The following WDR3 variants were observed in gnomAD, a reference collection of about 807,000 sequenced individuals.
The protein encoded by WDR3 is WD repeat domain 3, also known as WD repeat-containing protein 3.
In WDR3, 81 loss-of-function variants were observed where a neutral mutation model predicts 123.7. That is an observed-to-expected ratio of 0.65 (90% CI 0.55 to 0.79). The LOEUF (loss-of-function observed/expected upper bound fraction) is 0.79, where lower values mean the gene tolerates loss of function less well. WDR3 is among the 30% of genes least tolerant of loss of function. The probability of loss-of-function intolerance (pLI) is 0.00; values close to 1 mark genes in which losing one functional copy is unlikely to be tolerated. For synonymous variants in WDR3, 390 were observed against 388.8 expected (o/e 1.00, Z -0.04); for missense variants, 1,027 against 1,123.2 (o/e 0.91, Z 1.22).
chr1:117,946,997 G>A (rs1047428916), intron 12 of WDR3, among the ~76,000 whole-genome samples: 4 of 150,950 alleles, frequency 2.6e-5, no homozygotes, highest in Non-Finnish European at 5.9e-5. Flanking sequence ...ACTGCTCATA[G>A]TGTGTTCCTT....
chr1:117,947,986 G>C (rs1651470092), intron 12 of WDR3, among the ~76,000 whole-genome samples: 1 of 152,212 alleles, frequency 6.6e-6, no homozygotes, highest in Non-Finnish European at 1.5e-5. Context: ...AGATGGAAAA[G>C]AGGTGGTTGC....
At position 117,943,646 on chromosome 1, in the gene WDR3, A is replaced by G. The variant is rs1334355001; in HGVS notation, c.1328+20A>G. On this transcript the variant is annotated intron_variant, in intron 11 of 26. Transcript: ENST00000349139. ...GAACAGGTTCGTGAAATGATGTTTT[A>G]TATAGCTGTAGTTAGTAGTATTTCT... 4.3e-6 allele frequency: 7 copies of G among 1,609,542 alleles called. No individual in the cohort carries two copies. In the Admixed American group the frequency reaches 8.3e-5, roughly 19 times the overall value.
chr1:117,952,225 T>G (rs1651644126), intron 17 of WDR3, 72 bp from the exon 18 acceptor site: 5 of 1,470,330 alleles, frequency 3.4e-6, no homozygotes, highest in Non-Finnish European at 4.7e-6. Context: ...AGTCAAAAGC[T>G]ATTTATGTGT....
rs1025653970 is a variant in WDR3 at position 117,960,873 on chromosome 1, G to A, written c.*1426G>A. ...TTTTATGGCAGTAAATGATAAAATA[G>A]TCTAGTATCTACATATATTTTGTGC... is the stretch of plus-strand genomic sequence containing the variant. On this transcript the variant is annotated 3_prime_UTR_variant, in exon 27 of 27. Coordinates refer to ENST00000349139, the MANE Select transcript of WDR3 (RefSeq NM_006784.3). 2 of 152,164 alleles carry A rather than the reference G, an allele frequency of 1.3e-5. No individual in the cohort carries two copies. Among genetic ancestry groups the A allele is most frequent in the African/African-American group, 2.4e-5 (1 of 41,436 alleles). 9.4% of individuals were successfully genotyped at this position (152,164 alleles called of 1,614,324 possible).
intron 3 of WDR3, 152 bp from the exon 4 acceptor site, chr1:117,936,617 G>T (rs924146124): frequency 2.1e-6 from 1 of 485,602 alleles, no homozygotes; most frequent in Non-Finnish European, 3.6e-6. Context: ...GAATAAGGCT[G>T]GTGTTTATTC....
intron 4 of WDR3, among the ~76,000 whole-genome samples, chr1:117,937,622 C>T (rs1650991053): frequency 6.6e-6 from 1 of 152,052 alleles, no homozygotes; most frequent in African/African-American, 2.4e-5. Context: ...TATATTACAG[C>T]TTAGGGAATA....
At chr1:117,940,762 A>G (rs1651118772) in intron 6 of WDR3, 65 bp from the exon 7 acceptor site, 2 of 1,407,378 alleles carry the variant, frequency 1.4e-6, no homozygotes, top group Non-Finnish European at 9.8e-7. Flanking sequence ...AACAACAACA[A>G]CAACAACAAC....
At chr1:117,930,533 G>T (rs562610902) in intron 1 of WDR3, among the ~76,000 whole-genome samples, 2 of 152,202 alleles carry the variant, frequency 1.3e-5, no homozygotes, top group Admixed American at 6.5e-5. Flanking sequence ...ACTGGCAAAC[G>T]ATTTAGCCTT....
rs1653299777 is a variant in WDR3, at chr1:117,962,956, T to C, written c.*3509T>C. ...ATGAAGAAACCACATTGGCTTACAG[T>C]TACTGTCTGCAATCCACCCCCATTC... On this transcript the variant is annotated 3_prime_UTR_variant, in exon 27 of 27. Transcript: ENST00000349139. 1.3e-5 allele frequency: 2 copies of C among 152,238 alleles called. No individual in the cohort carries two copies. The highest frequency in any genetic ancestry group is 4.1e-4 in the South Asian group (2 of 4,826). 9.4% of individuals were successfully genotyped at this position (152,238 alleles called of 1,614,324 possible). A position where few individuals can be genotyped will look rare whatever the true frequency, so the allele number is the denominator to read the frequency against.
At chr1:117,941,703 T>C (rs1185170062) in intron 8 of WDR3, 47 bp from the exon 9 acceptor site, 1 of 1,579,824 alleles carries the variant, frequency 6.3e-7, no homozygotes, top group Admixed American at 2.0e-5. Flanking sequence ...ATTAGGTAAA[T>C]TACAAATTAC....
rs1158619832 is a variant in WDR3, at chr1:117,966,026, CA to C, written c.*6581del. 3 of 152,266 alleles carry C rather than the reference CA, an allele frequency of 2.0e-5. No individual in the cohort carries two copies. The highest frequency in any genetic ancestry group is 7.2e-5 in the African/African-American group (3 of 41,544). The allele number at this position is 152,266 out of a possible 1,614,324, so 9.4% of individuals were successfully genotyped here. A position where few individuals can be genotyped will look rare whatever the true frequency, so the allele number is the denominator to read the frequency against. On this transcript the variant is annotated 3_prime_UTR_variant, in exon 27 of 27. Coordinates refer to ENST00000349139, the MANE Select transcript of WDR3 (RefSeq NM_006784.3). ...ATCAAATAAATAGAGAACTGTAACA[CA>C]AGCAGCACACAATTCATGCCACTGG...
rs757858420 is a variant in WDR3 at position 117,959,472 on chromosome 1, T to C, written c.*25T>C. On this transcript the variant is annotated 3_prime_UTR_variant, in exon 27 of 27. Coordinates refer to ENST00000349139, the MANE Select transcript of WDR3 (RefSeq NM_006784.3). ...GAACTGAAATGTGGTATCTTTTTTT[T>C]TTTCAACTTTTTCCTTTAAAGGACT... The C allele has an allele frequency of 2.6e-6, 4 of 1,556,240 alleles. No homozygotes were observed. The South Asian group carries it at 3.7e-5, about 14-fold the overall frequency.
chr1:117,941,908 A>G lies in WDR3; in HGVS notation c.989+61A>G. 2.7e-6 allele frequency: 4 copies of G among 1,493,256 alleles called. No homozygotes were observed. The African/African-American group carries it at 4.3e-5, about 16-fold the overall frequency. 92.5% of individuals were successfully genotyped at this position (1,493,256 alleles called of 1,614,324 possible). A position where few individuals can be genotyped will look rare whatever the true frequency, so the allele number is the denominator to read the frequency against. ...ATCCTGGGTAGGCCCCATGTTACTG[A>G]AAAAAAACTGGCTTCTTTCATATTT... On this transcript the variant is annotated intron_variant, in intron 9 of 26. Coordinates refer to ENST00000349139, the MANE Select transcript of WDR3 (RefSeq NM_006784.3).
intron 12 of WDR3, among the ~76,000 whole-genome samples, chr1:117,946,700 G>A (rs1651396093): frequency 6.6e-6 from 1 of 152,026 alleles, no homozygotes; most frequent in South Asian, 2.1e-4. Flanking sequence ...CCAGCACTTT[G>A]GGAGGCCGAG....
intron 1 of WDR3, among the ~76,000 whole-genome samples, chr1:117,930,781 T>G (rs1487561267): frequency 6.6e-6 from 1 of 152,174 alleles, no homozygotes; most frequent in African/African-American, 2.4e-5. Context: ...TTTAGCATAG[T>G]GGTTAAAAGC....
In WDR3 at chr1:117,938,517, A is replaced by T; in HGVS notation, c.538A>T (p.Thr180Ser). 1 of 1,613,306 alleles carries T rather than the reference A, an allele frequency of 6.2e-7. No individual in the cohort carries two copies. Among genetic ancestry groups the T allele is most frequent in the South Asian group, 1.1e-5 (1 of 91,062 alleles). Residue 180 changes from threonine (T) to serine (S), a missense_variant, in exon 5 of 27, where the codon ACT (threonine) becomes TCT (serine). By Grantham distance (58) the Thr-to-Ser change is moderately conservative (BLOSUM62 1). Transcript: ENST00000349139. The stretch of plus-strand genomic sequence containing the variant: ...CATGGTGAAATGGTGGGACCTTGAT[A>T]CTCAGCACTGCTTTAAAACAATGGT... ...DTMVKWWDLDTQHCFKTMVGH... is the reference protein window; with the variant it reads ...DTMVKWWDLDSQHCFKTMVGH...
chr1:117,954,785 A>G (rs1651922689), intron 23 of WDR3, among the ~76,000 whole-genome samples, 158 bp downstream of exon 23: 1 of 152,070 alleles, frequency 6.6e-6, no homozygotes, highest in Non-Finnish European at 1.5e-5. Context: ...GATATTTTGT[A>G]TTTCAAAAGG....
Position 117,936,804 on chromosome 1 carries a change from A to C in WDR3, c.417A>C (p.Glu139Asp). 6.2e-7 allele frequency: 1 copy of C among 1,612,988 alleles called. No individual in the cohort carries two copies. Among genetic ancestry groups the C allele is most frequent in the East Asian group, 2.2e-5 (1 of 44,834 alleles). ...TTATTGTATGGGATGTGATCAATGA[A>C]AGTGGTCTGTACCGTCTAAAGGGGC... The part of the protein sequence containing the change: ...TDIIVWDVIN[E>D]SGLYRLKGHK... The change falls in exon 4 of 27, where the codon GAA becomes GAC. Residue 139 changes from glutamate to aspartate, a missense_variant. Transcript: ENST00000349139.
chr1:117,954,545 T>C, intron 22 of WDR3, 35 bp from the exon 23 acceptor site: 1 of 1,607,692 alleles, frequency 6.2e-7, no homozygotes, highest in Non-Finnish European at 8.5e-7. Context: ...AAGTCTCAGT[T>C]TTTTTAATGA....
Sources: allele counts gnomAD v4.1 joint callset (sites outside exome capture counted in the v4.1 genomes callset), GRCh38; gene constraint gnomAD v4.1.1; transcripts MANE v1.5; gene names NCBI Gene and HGNC (gene_info 2026-07-23, HGNC 2026-07-21).